MCC: variants seen among roughly 807,000 people sequenced by gnomAD.
The protein encoded by MCC is colorectal mutant cancer protein.
Under a neutral mutation model 116.2 loss-of-function variants are expected in MCC, and 90 were observed. That is an observed-to-expected ratio of 0.77 (90% CI 0.65 to 0.92). The LOEUF (loss-of-function observed/expected upper bound fraction) is 0.92. MCC is among the 40% of genes least tolerant of loss of function. The pLI is 0.00. For synonymous variants in MCC, 578 were observed against 510.5 expected, an observed-to-expected ratio of 1.13 and a Z score of -1.78; for missense variants, 1,516 against 1,312.2, an observed-to-expected ratio of 1.16 and a Z score of -2.40.
chr5:113,183,172 T>A (rs1037438297), intron 3 of MCC, among the ~76,000 whole-genome samples: 34 of 152,116 alleles, frequency 2.2e-4, no homozygotes. Context: ...CATCTGCTCC[T>A]CAGTGTAATT....
At position 113,283,180 on chromosome 5, in the gene MCC, T is replaced by C. The variant is rs144410827; in HGVS notation, c.627+57339A>G. On this transcript the variant is annotated intron_variant, in intron 3 of 18. Coordinates refer to ENST00000408903, the MANE Select transcript of MCC (RefSeq NM_001085377.2). Reference sequence around the variant, plus strand: ...GGCTATTCACTCTTGGGCTGTATTTTATACTCACTTTCACTCCTACTGGAA... The same window carrying C: ...GGCTATTCACTCTTGGGCTGTATTTCATACTCACTTTCACTCCTACTGGAA... Among the ~76,000 whole-genome samples the C allele has an allele frequency of 1.4e-4, 22 of 152,366 alleles. No homozygotes were observed. The East Asian group carries it at 1.9e-3, about 13-fold the overall frequency.
In MCC at chr5:113,434,658, A is replaced by G. The variant is rs1228371397; in HGVS notation, c.171-49446T>C. 1 of 1,613,800 alleles carries G rather than the reference A, an allele frequency of 6.2e-7. No individual in the cohort carries two copies. On this transcript the variant is annotated intron_variant, in intron 1 of 18. Coordinates refer to ENST00000408903, the MANE Select transcript of MCC (RefSeq NM_001085377.2). The surrounding 1 kb of genome is among the most constrained non-coding windows in gnomAD (Gnocchi z 4.2). ...GTGGTTTAACATGGCCAGAATCTCAATTTCCCGGGGAAGGAATTTCTCCAA... is the reference window on the plus strand; with the variant it reads ...GTGGTTTAACATGGCCAGAATCTCAGTTTCCCGGGGAAGGAATTTCTCCAA...
At chr5:113,170,821 G>C (rs574111931) in intron 3 of MCC, among the ~76,000 whole-genome samples, 101 of 152,200 alleles carry the variant, frequency 6.6e-4, no homozygotes, top group African/African-American at 2.4e-3. Flanking sequence ...AAGAGCCCTT[G>C]GGAATACTTA....
At chr5:113,319,379 A>G (rs779328040) in intron 3 of MCC, among the ~76,000 whole-genome samples, 1 of 152,222 alleles carries the variant, frequency 6.6e-6, no homozygotes, top group Non-Finnish European at 1.5e-5. Flanking sequence ...TGATGTAAAC[A>G]TAAGGACTGG....
At chr5:113,048,745 C>T in intron 16 of MCC, 1 of 416,756 alleles carries the variant, frequency 2.4e-6, no homozygotes, top group African/African-American at 2.0e-5. Flanking sequence ...TAAAGGGGGC[C>T]CTATTATACC....
chr5:113,259,211 G>A (rs139753868), intron 3 of MCC, among the ~76,000 whole-genome samples: 3 of 152,290 alleles, frequency 2.0e-5, no homozygotes, highest in Admixed American at 6.5e-5. Flanking sequence ...GAACCAAAGT[G>A]ACTCCATTAG....
At chr5:113,084,217 G>A (rs1236132608) in intron 9 of MCC, 27 bp from the exon 10 acceptor site, 1 of 1,553,482 alleles carries the variant, frequency 6.4e-7, no homozygotes, top group Non-Finnish European at 8.9e-7. Flanking sequence ...AAACATTATA[G>A]AAAACTACAC....
intron 17 of MCC, among the ~76,000 whole-genome samples, chr5:113,032,601 G>C (rs1561734377): frequency 6.6e-6 from 1 of 152,086 alleles, no homozygotes; most frequent in Non-Finnish European, 1.5e-5. Flanking sequence ...TGCTGCTCTA[G>C]ACCAATTGTT....
At chr5:113,080,757 A>C (rs567849515) in intron 11 of MCC, among the ~76,000 whole-genome samples, 1 of 152,018 alleles carries the variant, frequency 6.6e-6, no homozygotes, top group South Asian at 2.1e-4. Flanking sequence ...ACCTATGTAA[A>C]AAACCTGCAC....
intron 3 of MCC, among the ~76,000 whole-genome samples, chr5:113,266,040 C>T (rs1171083650): frequency 6.6e-6 from 1 of 152,056 alleles, no homozygotes; most frequent in African/African-American, 2.4e-5. Flanking sequence ...CTAATAAGAC[C>T]CTCACAGTAT....
At chr5:113,481,259 T>A (rs961508572) in intron 1 of MCC, among the ~76,000 whole-genome samples, 30 of 152,210 alleles carry the variant, frequency 2.0e-4, no homozygotes, top group African/African-American at 7.2e-4. Flanking sequence ...CAGGAAGAAT[T>A]TTAAAATTCT....
rs1033709322 is a variant in MCC, at chr5:113,023,773, A to G, written c.*3529T>C. ...AGTCATCTTGATATGTTATCACTTTAAAGCTTGATAATCGAAACTCTTGAG... is the reference window on the plus strand; with the variant it reads ...AGTCATCTTGATATGTTATCACTTTGAAGCTTGATAATCGAAACTCTTGAG... On this transcript the variant is annotated 3_prime_UTR_variant, in exon 19 of 19. Coordinates refer to ENST00000408903, the MANE Select transcript of MCC (RefSeq NM_001085377.2). 17 of 152,230 alleles carry G rather than the reference A, an allele frequency of 1.1e-4. No homozygotes were observed. Among genetic ancestry groups the G allele is most frequent in the East Asian group, 1.9e-4 (1 of 5,204 alleles). The allele number at this position is 152,230 out of a possible 1,614,324, so 9.4% of individuals were successfully genotyped here.
At chr5:113,202,080 T>C (rs1384003135) in intron 3 of MCC, among the ~76,000 whole-genome samples, 1 of 152,148 alleles carries the variant, frequency 6.6e-6, no homozygotes, top group Non-Finnish European at 1.5e-5. Context: ...TCCCTGAACC[T>C]GCTCAACCCC....
intron 2 of MCC, among the ~76,000 whole-genome samples, chr5:113,355,411 T>C (rs1273723074): frequency 6.6e-6 from 1 of 152,160 alleles, no homozygotes; most frequent in African/African-American, 2.4e-5. Flanking sequence ...TACTAATAGG[T>C]AGGCAGGGCT....
chr5:113,284,066 T>C (rs1766154597), intron 3 of MCC, among the ~76,000 whole-genome samples: 1 of 152,244 alleles, frequency 6.6e-6, no homozygotes, highest in Admixed American at 6.5e-5. Flanking sequence ...TCATATAAAA[T>C]GTGTTAATTG....
At chr5:113,208,041 T>C (rs895390517) in intron 3 of MCC, among the ~76,000 whole-genome samples, 2 of 152,068 alleles carry the variant, frequency 1.3e-5, no homozygotes, top group African/African-American at 4.8e-5. Context: ...CAGATAATAA[T>C]CCCATACTTT....
At chr5:113,141,565 G>A (rs1759183840) in intron 5 of MCC, among the ~76,000 whole-genome samples, 1 of 152,218 alleles carries the variant, frequency 6.6e-6, no homozygotes, top group Non-Finnish European at 1.5e-5. Context: ...GAGCTCAGAG[G>A]ACAAGGAGAG....
intron 15 of MCC, among the ~76,000 whole-genome samples, chr5:113,051,328 C>A (rs577608299): frequency 8.5e-5 from 13 of 152,100 alleles, no homozygotes; most frequent in Non-Finnish European, 1.9e-4. Context: ...TAAGAGTCAG[C>A]ATTTACAAGA....
intron 3 of MCC, among the ~76,000 whole-genome samples, chr5:113,288,181 G>C (rs1251029415): frequency 3.3e-5 from 5 of 152,198 alleles, no homozygotes; most frequent in African/African-American, 1.2e-4. Context: ...ATGCAGCCGT[G>C]GCCACTAACT....
Sources: allele counts gnomAD v4.1 joint callset (sites outside exome capture counted in the v4.1 genomes callset), GRCh38; gene constraint gnomAD v4.1.1; non-coding constraint Gnocchi (gnomAD v3.1); transcripts MANE v1.5; gene names NCBI Gene and HGNC (gene_info 2026-07-23, HGNC 2026-07-21).